Variants in DCLK2 observed in about 807,000 individuals in gnomAD.
DCLK2 encodes the protein serine/threonine-protein kinase DCLK2.
Under a neutral mutation model 78.4 loss-of-function variants are expected in DCLK2, and 31 were observed. The ratio of observed to expected loss-of-function variants is 0.40; its 90% CI spans 0.30 to 0.53. The LOEUF is 0.53. Ranked by LOEUF, DCLK2 falls within the 20% of genes least tolerant of loss-of-function variation. The probability of loss-of-function intolerance (pLI) is 0.61; values close to 1 mark genes in which losing one functional copy is unlikely to be tolerated. For missense variants in DCLK2, 872 were observed against 973.7 expected (o/e 0.90, Z 1.39); for synonymous variants, 407 against 374.9 (o/e 1.09, Z -0.99).
At chr4:150,219,298 C>T (rs1486147640) in intron 5 of DCLK2, among the ~76,000 whole-genome samples, 11 of 102,044 alleles carry the variant, frequency 1.1e-4, no homozygotes, top group Admixed American at 6.7e-4. Flanking sequence ...GAAGGAGTTT[C>T]GCTCTTGTTG....
chr4:150,079,519 A>C lies in DCLK2; in HGVS notation c.421+71A>C, dbSNP rs942266302. On this transcript the variant is annotated intron_variant, in intron 1 of 15. Coordinates refer to ENST00000296550, the MANE Select transcript of DCLK2 (RefSeq NM_001040260.4). ...AGGTGCAGTGGGCGTGAGCCGGCGCAGCGGGGAGCCCGCGGGGTGCTTTCC... is the reference window on the plus strand; with the variant it reads ...AGGTGCAGTGGGCGTGAGCCGGCGCCGCGGGGAGCCCGCGGGGTGCTTTCC... The C allele has an allele frequency of 1.1e-5, 16 of 1,394,858 alleles. No individual in the cohort carries two copies. The East Asian group carries it at 4.2e-4, about 37-fold the overall frequency. The allele number at this position is 1,394,858 out of a possible 1,614,324, so 86.4% of individuals were successfully genotyped here. A position where few individuals can be genotyped will look rare whatever the true frequency, so the allele number is the denominator to read the frequency against.
chr4:150,126,926 T>G (rs1477373240), intron 2 of DCLK2, among the ~76,000 whole-genome samples: 1 of 152,200 alleles, frequency 6.6e-6, no homozygotes, highest in African/African-American at 2.4e-5. Flanking sequence ...TTGTCTGTCT[T>G]TGTCTCTCAT....
chr4:150,248,487 G>A, intron 14 of DCLK2, 102 bp downstream of exon 14: 1 of 938,238 alleles, frequency 1.1e-6, no homozygotes, highest in East Asian at 2.5e-5. Context: ...ATGCATCCAA[G>A]CTCCATGGTA....
intron 1 of DCLK2, among the ~76,000 whole-genome samples, chr4:150,099,921 T>C (rs1217232596): frequency 6.6e-6 from 1 of 152,162 alleles, no homozygotes; most frequent in Non-Finnish European, 1.5e-5. Flanking sequence ...TTTGGTTTGT[T>C]TGCTTTATGG....
intron 2 of DCLK2, among the ~76,000 whole-genome samples, chr4:150,183,248 G>A (rs538462836): frequency 6.6e-5 from 10 of 152,246 alleles, no homozygotes; most frequent in Admixed American, 2.0e-4. Flanking sequence ...TAAAATAGCC[G>A]TGGAAAATAT....
At chr4:150,082,481 C>G (rs1560754974) in intron 1 of DCLK2, among the ~76,000 whole-genome samples, 1 of 152,140 alleles carries the variant, frequency 6.6e-6, no homozygotes, top group African/African-American at 2.4e-5. Context: ...CCTTGAGAGT[C>G]TCTGGAGACT....
chr4:150,221,128 TGTA>T (rs1741155684), intron 6 of DCLK2, among the ~76,000 whole-genome samples: 1 of 152,178 alleles, frequency 6.6e-6, no homozygotes, highest in Non-Finnish European at 1.5e-5. Context: ...CACTGGGACA[TGTA>T]GTGAGAAGTG....
chr4:150,248,728 C>T (rs1472272620), intron 14 of DCLK2, among the ~76,000 whole-genome samples: 2 of 152,080 alleles, frequency 1.3e-5, no homozygotes. Context: ...CCAGGGTTTG[C>T]CCTGGAGATG....
chr4:150,171,556 G>T (rs914833517), intron 2 of DCLK2, among the ~76,000 whole-genome samples: 1 of 152,212 alleles, frequency 6.6e-6, no homozygotes, highest in African/African-American at 2.4e-5. Context: ...TTAGAAAAAG[G>T]TCAAAATTAA....
chr4:150,136,194 C>T (rs568710431), intron 2 of DCLK2, among the ~76,000 whole-genome samples: 1 of 152,252 alleles, frequency 6.6e-6, no homozygotes, highest in South Asian at 2.1e-4. Flanking sequence ...GTATGGGTGT[C>T]ATAAGACTGA....
At chr4:150,175,188 A>ATATATAT (rs1443934489) in intron 2 of DCLK2, among the ~76,000 whole-genome samples, 1 of 98,166 alleles carries the variant, frequency 1.0e-5, no homozygotes, top group African/African-American at 4.8e-5. Context: ...ATATATTTAT[A>ATATATAT]ATTTATCTAT....
chr4:150,244,089 A>T (rs923891375), intron 12 of DCLK2, among the ~76,000 whole-genome samples: 2 of 151,828 alleles, frequency 1.3e-5, no homozygotes, highest in South Asian at 2.1e-4. Flanking sequence ...GTGCACCACT[A>T]TATTGCACTA....
chr4:150,212,861 C>A (rs1408208400), intron 5 of DCLK2, among the ~76,000 whole-genome samples: 1 of 152,182 alleles, frequency 6.6e-6, no homozygotes, highest in African/African-American at 2.4e-5. Context: ...AGAAATTCTT[C>A]TTGGTAGTGC....
At chr4:150,158,994 G>C (rs1166740157) in intron 2 of DCLK2, among the ~76,000 whole-genome samples, 4 of 152,174 alleles carry the variant, frequency 2.6e-5, no homozygotes, top group Non-Finnish European at 5.9e-5. Context: ...GGAGTATGTT[G>C]AGAAGAAGAA....
chr4:150,191,826 T>G (rs2126364401), intron 2 of DCLK2, among the ~76,000 whole-genome samples: 1 of 152,346 alleles, frequency 6.6e-6, no homozygotes, highest in Middle Eastern at 3.4e-3. Context: ...TAGTTCACTT[T>G]CTTCTCTCTG....
At chr4:150,207,744 GAGTT>G (rs1243279229) in intron 5 of DCLK2, among the ~76,000 whole-genome samples, 1 of 152,152 alleles carries the variant, frequency 6.6e-6, no homozygotes, top group African/African-American at 2.4e-5. Flanking sequence ...GGACAACTGA[GAGTT>G]AGTGGTATCT....
intron 5 of DCLK2, 145 bp downstream of exon 5, chr4:150,204,034 TCC>T: frequency 1.5e-6 from 1 of 684,032 alleles, no homozygotes; most frequent in Non-Finnish European, 2.4e-6. Flanking sequence ...TGACTTCGAA[TCC>T]TGTGTACTGC....
intron 2 of DCLK2, among the ~76,000 whole-genome samples, chr4:150,135,501 A>G (rs570501144): frequency 3.9e-4 from 60 of 152,320 alleles, no homozygotes; most frequent in African/African-American, 1.3e-3. Context: ...GGTCATTAAG[A>G]CCCATCACCG....
intron 5 of DCLK2, among the ~76,000 whole-genome samples, chr4:150,217,085 A>G (rs2126512582): frequency 6.6e-6 from 1 of 152,306 alleles, no homozygotes; most frequent in South Asian, 2.1e-4. Context: ...TAGTTTGACA[A>G]TAGAAATGGG....
Sources: allele counts gnomAD v4.1 joint callset (sites outside exome capture counted in the v4.1 genomes callset), GRCh38; gene constraint gnomAD v4.1.1; transcripts MANE v1.5; gene names NCBI Gene and HGNC (gene_info 2026-07-23, HGNC 2026-07-21).